The following ALAS1 variants were observed in gnomAD, a reference collection of about 807,000 sequenced individuals.
ALAS1 encodes the protein 5-aminolevulinate synthase, non-specific, mitochondrial.
Under a neutral mutation model 59.6 loss-of-function variants are expected in ALAS1, and 29 were observed. The observed-to-expected ratio is 0.49, with a 90% CI of 0.36 to 0.66. The LOEUF (loss-of-function observed/expected upper bound fraction) is 0.66. Ranked by LOEUF, ALAS1 falls within the 30% of genes least tolerant of loss-of-function variation. The pLI is 0.00. For missense variants in ALAS1, 690 were observed against 807.5 expected (o/e 0.85, Z 1.76); for synonymous variants, 299 against 296.6 (o/e 1.01, Z -0.08).
At chr3:52,209,212 T>C (rs1699355373) in intron 9 of ALAS1, among the ~76,000 whole-genome samples, 1 of 152,148 alleles carries the variant, frequency 6.6e-6, no homozygotes, top group Admixed American at 6.5e-5. Flanking sequence ...TTTTCTTTTT[T>C]TTCTTTTTTT....
chr3:52,205,744 G>C, intron 6 of ALAS1, 95 bp from the exon 7 acceptor site: 4 of 1,221,748 alleles, frequency 3.3e-6, no homozygotes, highest in Non-Finnish European at 4.5e-6. Context: ...ACATCAACAT[G>C]TTTCAGTCTC....
In ALAS1 at chr3:52,205,962, G is replaced by T; in HGVS notation, c.924G>T (p.Leu308Phe). ...ADLHGKDAAL[L>F]FSSCFVANDS... Reference sequence around the variant, plus strand: ...TCCATGGGAAAGATGCCGCACTCTTGTTTTCCTCGTGCTTTGTGGCCAATG... The same window carrying T: ...TCCATGGGAAAGATGCCGCACTCTTTTTTTCCTCGTGCTTTGTGGCCAATG... The change falls in exon 7 of 12, where the codon TTG becomes TTT. Residue 308 changes from leucine (L) to phenylalanine (F), a missense_variant. Leu to Phe is a conservative substitution (Grantham distance 22). Coordinates refer to ENST00000484952, the MANE Select transcript of ALAS1 (RefSeq NM_000688.6). The T allele has an allele frequency of 3.1e-6, 5 of 1,614,156 alleles. No homozygotes were observed. The highest frequency in any genetic ancestry group is 4.2e-6 in the Non-Finnish European group (5 of 1,180,012).
At chr3:52,200,608 C>T (rs144652885) in intron 3 of ALAS1, among the ~76,000 whole-genome samples, 37 of 152,244 alleles carry the variant, frequency 2.4e-4, no homozygotes, top group African/African-American at 8.7e-4. Context: ...TGGTGGTGTA[C>T]GCCTGTAATC....
chr3:52,204,915 T>G lies in ALAS1; in HGVS notation c.800T>G (p.Met267Arg), dbSNP rs144075472. Residue 267 changes from methionine (M) to arginine (R), a missense_variant and splice_region_variant, in exon 6 of 12, where the codon ATG becomes AGG. Met to Arg is a moderately conservative substitution (Grantham distance 91, BLOSUM62 -1). Transcript: ENST00000484952. The stretch of plus-strand genomic sequence containing the variant: ...CACCCACGGGTGTGTGGGGCAGTTA[T>G]GTAAGTAGCCCTTGGCTTTCAAATA... ...SRHPRVCGAV[M>R]DTLKQHGAGA... 1.9e-6 allele frequency: 3 copies of G among 1,612,180 alleles called. No homozygotes were observed. In the African/African-American group the frequency reaches 4.0e-5, roughly 22 times the overall value.
rs191109889 is a variant in ALAS1, at chr3:52,206,839, A to G, written c.1165+88A>G. On this transcript the variant is annotated intron_variant, in intron 8 of 11. Coordinates refer to ENST00000484952, the MANE Select transcript of ALAS1 (RefSeq NM_000688.6). ...AGTATGGTGTTTTGTTGTGTTTTTT[A>G]ATTTTTTTTTTTTGTGACCGATCCT... 1.3e-4 allele frequency: 184 copies of G among 1,461,130 alleles called. 1 individual carries two copies. In the East Asian group the frequency reaches 3.5e-3, roughly 28 times the overall value. The allele number at this position is 1,461,130 out of a possible 1,614,324, so 90.5% of individuals were successfully genotyped here.
At chr3:52,209,606 G>A (rs1699365264) in intron 9 of ALAS1, among the ~76,000 whole-genome samples, 1 of 152,202 alleles carries the variant, frequency 6.6e-6, no homozygotes, top group African/African-American at 2.4e-5. Flanking sequence ...TTATACCATA[G>A]GAGATTGAAC....
At chr3:52,203,738 C>G (rs887570779) in intron 4 of ALAS1, 125 bp from the exon 5 acceptor site, 2 of 1,053,138 alleles carry the variant, frequency 1.9e-6, no homozygotes, top group Admixed American at 2.7e-5. Context: ...TTATAACTAA[C>G]TTTGGTTATG....
In ALAS1 at chr3:52,213,929, A is replaced by G. The variant is rs979719852; in HGVS notation, c.1763-91A>G. 3.4e-6 allele frequency: 4 copies of G among 1,193,776 alleles called. No individual in the cohort carries two copies. The African/African-American group carries it at 6.1e-5, about 18-fold the overall frequency. The allele number at this position is 1,193,776 out of a possible 1,614,324, so 73.9% of individuals were successfully genotyped here. ...ACTATTATGAATAATGCTGCTATGA[A>G]CATTTGTGTACAAGTTTTTGTGTGG... On this transcript the variant is annotated intron_variant, in intron 11 of 11. Coordinates refer to ENST00000484952, the MANE Select transcript of ALAS1 (RefSeq NM_000688.6).
rs763108477 is a variant in ALAS1, at chr3:52,202,724, C to T, written c.417C>T (p.Ala139=). Residue 139 remains alanine (A), a synonymous_variant, in exon 4 of 12, where the codon GCC becomes GCT. Coordinates refer to ENST00000484952, the MANE Select transcript of ALAS1 (RefSeq NM_000688.6). The part of the protein sequence containing the change: ...ELQEDVQEMN[A]VRKEVAETSA... ...AGGAGGATGTGCAGGAAATGAATGC[C>T]GTGAGGAAAGGTAAGAGATGAGTTG... The T allele has an allele frequency of 1.7e-5, 27 of 1,613,788 alleles. No individual in the cohort carries two copies. Among genetic ancestry groups the T allele is most frequent in the South Asian group, 3.3e-5 (3 of 91,044 alleles).
intron 3 of ALAS1, among the ~76,000 whole-genome samples, chr3:52,200,503 C>T (rs750102005): frequency 2.6e-5 from 4 of 152,062 alleles, no homozygotes; most frequent in African/African-American, 7.2e-5. Flanking sequence ...TTTGGGAGGC[C>T]GAGGTGGTTT....
Position 52,214,306 on chromosome 3 carries a change from A to C in ALAS1, c.*126A>C. 1 of 934,572 alleles carries C rather than the reference A, an allele frequency of 1.1e-6. No homozygotes were observed. Among genetic ancestry groups the C allele is most frequent in the Non-Finnish European group, 1.5e-6 (1 of 657,180 alleles). 57.9% of individuals were successfully genotyped at this position (934,572 alleles called of 1,614,324 possible). On this transcript the variant is annotated 3_prime_UTR_variant, in exon 12 of 12. Coordinates refer to ENST00000484952, the MANE Select transcript of ALAS1 (RefSeq NM_000688.6). ...CTATAGTAAAAACATAGTCCTGGAAATAAATTCTTGCTTAAATGGTGGTTC... is the reference window on the plus strand; with the variant it reads ...CTATAGTAAAAACATAGTCCTGGAACTAAATTCTTGCTTAAATGGTGGTTC...
rs889406645 is a variant in ALAS1 at position 52,198,856 on chromosome 3, A to G, written c.-33+8A>G. 2.0e-6 allele frequency: 3 copies of G among 1,535,550 alleles called. No individual in the cohort carries two copies. In the Admixed American group the frequency reaches 5.9e-5, roughly 30 times the overall value. On this transcript the variant is annotated splice_region_variant and intron_variant, in intron 2 of 11. Transcript: ENST00000484952. ...CTTCTTCTCCACCTAGATGTAAGCCAAGATGTCTTATCTGCACTGTGCATC... is the reference window on the plus strand; with the variant it reads ...CTTCTTCTCCACCTAGATGTAAGCCGAGATGTCTTATCTGCACTGTGCATC...
chr3:52,213,937 G>T, intron 11 of ALAS1, 83 bp from the exon 12 acceptor site: 1 of 1,277,590 alleles, frequency 7.8e-7, no homozygotes, highest in South Asian at 1.4e-5. Flanking sequence ...GAACATTTGT[G>T]TACAAGTTTT....
chr3:52,208,086 C>T lies in ALAS1; in HGVS notation c.1169C>T (p.Ala390Val), dbSNP rs773336919. The change falls in exon 9 of 12, where the codon GCG becomes GTG. Residue 390 changes from alanine to valine, a missense_variant. By Grantham distance (64) the Ala-to-Val change is moderately conservative (BLOSUM62 0). Coordinates refer to ENST00000484952, the MANE Select transcript of ALAS1 (RefSeq NM_000688.6). Reference sequence around the variant, plus strand: ...GCAGTCTCTGGTCTTTCCTCAGGGGCGGTGTGCCCACTGGAAGAGCTGTGT... The same window carrying T: ...GCAGTCTCTGGTCTTTCCTCAGGGGTGGTGTGCCCACTGGAAGAGCTGTGT... Reference protein sequence around the residue: ...AFETVHSMDGAVCPLEELCDV... With the variant: ...AFETVHSMDGVVCPLEELCDV... 1.3e-5 allele frequency: 20 copies of T among 1,562,392 alleles called. No individual in the cohort carries two copies. The highest frequency in any genetic ancestry group is 1.9e-5 in the Admixed American group (1 of 52,324).
At chr3:52,209,268 C>T (rs60539053) in intron 9 of ALAS1, among the ~76,000 whole-genome samples, 3,251 of 152,092 alleles carry the variant, frequency 0.021, 111 homozygotes, top group African/African-American at 0.074. Flanking sequence ...AGTGCAGTGG[C>T]GCGATCTCAG....
At position 52,205,761 on chromosome 3, in the gene ALAS1, C is replaced by A. The variant is rs979535594; in HGVS notation, c.801-78C>A. On this transcript the variant is annotated intron_variant, in intron 6 of 11. Coordinates refer to ENST00000484952, the MANE Select transcript of ALAS1 (RefSeq NM_000688.6). ...ATCAACATGTTTCAGTCTCCTGGAT[C>A]CTAGAAAGGGGAAAAAATTCACATG... is the stretch of plus-strand genomic sequence containing the variant. The A allele has an allele frequency of 5.7e-6, 8 of 1,402,954 alleles. No individual in the cohort carries two copies. In the Admixed American group the frequency reaches 6.8e-5, roughly 12 times the overall value. The allele number at this position is 1,402,954 out of a possible 1,614,324, so 86.9% of individuals were successfully genotyped here.
intron 4 of ALAS1, among the ~76,000 whole-genome samples, chr3:52,203,016 T>C (rs1302860183): frequency 6.6e-6 from 1 of 152,168 alleles, no homozygotes; most frequent in Non-Finnish European, 1.5e-5. Context: ...CTGCCTTTTG[T>C]CCCTTTGGTC....
In ALAS1 at chr3:52,199,371, G is replaced by T. The variant is rs61729067; in HGVS notation, c.130G>T (p.Ala44Ser). The change falls in exon 3 of 12, where the codon GCC becomes TCC. Residue 44 changes from alanine (A) to serine (S), a missense_variant. Physicochemically the swap from Ala to Ser is moderately conservative, Grantham distance 99. Transcript: ENST00000484952. ...GATGATGGAAGTTGGGGCCAAGCCA[G>T]CCCCTCGGGCATTGTCCACTGCAGC... is the stretch of plus-strand genomic sequence containing the variant. ...PKMMEVGAKP[A>S]PRALSTAAVH... The T allele has an allele frequency of 5.9e-4, 960 of 1,614,192 alleles. 3 individuals carry two copies. In the African/African-American group the frequency reaches 0.011, roughly 19 times the overall value.
chr3:52,212,183 C>T (rs1370517098), intron 10 of ALAS1, 75 bp from the exon 11 acceptor site: 1 of 1,383,268 alleles, frequency 7.2e-7, no homozygotes, highest in African/African-American at 1.4e-5. Context: ...GTTGTGGGGA[C>T]TGCGTTCGTT....
Sources: allele counts gnomAD v4.1 joint callset (sites outside exome capture counted in the v4.1 genomes callset), GRCh38; gene constraint gnomAD v4.1.1; transcripts MANE v1.5; gene names NCBI Gene and HGNC (gene_info 2026-07-23, HGNC 2026-07-21).